CFH: variants seen among roughly 807,000 people sequenced by gnomAD.
CFH encodes complement factor H.
Under a neutral mutation model 147.3 loss-of-function variants are expected in CFH, and 53 were observed. The ratio of observed to expected loss-of-function variants is 0.36; its 90% confidence interval spans 0.29 to 0.45. The LOEUF (loss-of-function observed/expected upper bound fraction) is 0.45. Among genes scored for constraint, CFH ranks in the 20% least tolerant of loss-of-function variants. The probability of loss-of-function intolerance (pLI) is 1.00; values close to 1 mark genes in which losing one functional copy is unlikely to be tolerated. For synonymous variants in CFH, 536 were observed against 489.4 expected, an observed-to-expected ratio of 1.10 and a Z score of -1.26; for missense variants, 1,380 against 1,498.0, an observed-to-expected ratio of 0.92 and a Z score of 1.30.
intron 3 of CFH, 82 bp downstream of exon 3, chr1:196,674,044 A>G (rs964694177): frequency 7.3e-6 from 7 of 955,470 alleles, no homozygotes; most frequent in Non-Finnish European, 1.1e-5. Flanking sequence ...TAAGGTTATT[A>G]TATTTTTCTA....
At chr1:196,680,600 A>G (rs890539141) in intron 6 of CFH, among the ~76,000 whole-genome samples, 31 of 151,906 alleles carry the variant, frequency 2.0e-4, no homozygotes, top group African/African-American at 7.0e-4. Flanking sequence ...TTTATAAAAT[A>G]AGTGGGTTTG....
At chr1:196,725,066 A>G in intron 11 of CFH, 55 bp from the exon 12 acceptor site, 1 of 1,467,148 alleles carries the variant, frequency 6.8e-7, no homozygotes, top group Non-Finnish European at 9.4e-7. Context: ...ATGTAAAATT[A>G]ACTTTGGCAA....
intron 11 of CFH, among the ~76,000 whole-genome samples, chr1:196,717,495 G>A (rs771069214): frequency 6.6e-6 from 1 of 151,996 alleles, no homozygotes; most frequent in Admixed American, 6.6e-5. Flanking sequence ...GTAAGGTACA[G>A]GCCAATGACA....
Position 196,728,404 on chromosome 1 carries a change from A to T in CFH, c.2295A>T (p.Leu765Phe), listed in dbSNP as rs551215138. ...SSNLIILEEH[L>F]KNKKEFDHNS... The stretch of plus-strand genomic sequence containing the variant: ...ATTTAATTATACTTGAGGAACATTT[A>T]AAAAACAAGAAGGAATTCGATCATA... Residue 765 changes from leucine to phenylalanine, a missense_variant, in exon 15 of 22, where the codon TTA becomes TTT. By Grantham distance (22) the Leu-to-Phe change is conservative. This residue lies in a region of CFH where 830 missense variants were observed against 821.4 expected (regional missense o/e 1.01). Coordinates refer to ENST00000367429, the MANE Select transcript of CFH (RefSeq NM_000186.4). 2.2e-5 allele frequency: 35 copies of T among 1,603,826 alleles called. No individual in the cohort carries two copies. In the African/African-American group the frequency reaches 4.0e-4, roughly 18 times the overall value.
intron 9 of CFH, among the ~76,000 whole-genome samples, chr1:196,698,670 T>C (rs1285277745): frequency 1.3e-5 from 2 of 152,166 alleles, no homozygotes; most frequent in African/African-American, 4.8e-5. Flanking sequence ...GTACCATTCC[T>C]TTGGAAACTA....
chr1:196,688,094 T>C (rs1046512516), intron 7 of CFH, among the ~76,000 whole-genome samples: 1 of 151,898 alleles, frequency 6.6e-6, no homozygotes, highest in Non-Finnish European at 1.5e-5. Flanking sequence ...TATGTGTGTA[T>C]TGAAATTCTT....
At chr1:196,672,190 C>A (rs1419979448) in intron 1 of CFH, among the ~76,000 whole-genome samples, 1 of 152,102 alleles carries the variant, frequency 6.6e-6, no homozygotes, top group Non-Finnish European at 1.5e-5. Context: ...TACCTCATTA[C>A]CATTCTTCCA....
At chr1:196,668,551 C>A (rs1667173862) in intron 1 of CFH, among the ~76,000 whole-genome samples, 1 of 152,152 alleles carries the variant, frequency 6.6e-6, no homozygotes. Flanking sequence ...AAGGGAGGAA[C>A]TCAGTGGGAG....
At chr1:196,672,065 C>A (rs1042795561) in intron 1 of CFH, among the ~76,000 whole-genome samples, 1 of 151,996 alleles carries the variant, frequency 6.6e-6, no homozygotes, top group South Asian at 2.1e-4. Context: ...TATGAGACAA[C>A]GGGAAAGTCA....
At chr1:196,692,614 T>G (rs950856441) in intron 9 of CFH, among the ~76,000 whole-genome samples, 2 of 150,236 alleles carry the variant, frequency 1.3e-5, no homozygotes, top group Non-Finnish European at 3.0e-5. Flanking sequence ...TTCTTTTTCT[T>G]TCTTTCATTC....
intron 3 of CFH, among the ~76,000 whole-genome samples, chr1:196,675,282 G>A (rs1374035744): frequency 6.6e-6 from 1 of 152,082 alleles, no homozygotes; most frequent in African/African-American, 2.4e-5. Context: ...GGCTTGATGG[G>A]TTACTAAAAT....
chr1:196,707,734 A>G (rs1459957954), intron 9 of CFH, among the ~76,000 whole-genome samples: 1 of 152,244 alleles, frequency 6.6e-6, no homozygotes, highest in Non-Finnish European at 1.5e-5. Context: ...GATGGGCCTC[A>G]AATATCTTTT....
At position 196,673,100 on chromosome 1, in the gene CFH, A is replaced by G. The variant is rs769975480; in HGVS notation, c.181A>G (p.Asn61Asp). 6 of 1,614,020 alleles carry G rather than the reference A, an allele frequency of 3.7e-6. No homozygotes were observed. In the Admixed American group the frequency reaches 1.0e-4, roughly 27 times the overall value. Residue 61 changes from asparagine to aspartate, a missense_variant, in exon 2 of 22, where the codon AAT (asparagine) becomes GAT (aspartate). Coordinates refer to ENST00000367429, the MANE Select transcript of CFH (RefSeq NM_000186.4). The part of the protein sequence containing the change: ...KCRPGYRSLG[N>D]VIMVCRKGEW... ...CCGCCCTGGATATAGATCTCTTGGAAATGTAATAATGGTATGCAGGAAGGG... is the reference window on the plus strand; with the variant it reads ...CCGCCCTGGATATAGATCTCTTGGAGATGTAATAATGGTATGCAGGAAGGG...
At chr1:196,670,196 C>T (rs1344162378) in intron 1 of CFH, among the ~76,000 whole-genome samples, 1 of 152,132 alleles carries the variant, frequency 6.6e-6, no homozygotes, top group African/African-American at 2.4e-5. Flanking sequence ...TTTACAAGCT[C>T]ATATGTGGAA....
At chr1:196,740,867 G>A in intron 18 of CFH, 75 bp downstream of exon 18, 1 of 1,392,242 alleles carries the variant, frequency 7.2e-7, no homozygotes, top group South Asian at 1.2e-5. Context: ...CAATAAGAAA[G>A]TAAACAGGGA....
intron 11 of CFH, among the ~76,000 whole-genome samples, chr1:196,716,989 A>G (rs1472693582): frequency 6.6e-6 from 1 of 152,102 alleles, no homozygotes; most frequent in Non-Finnish European, 1.5e-5. Flanking sequence ...GAATGAAAAG[A>G]GCAAAGAGCT....
chr1:196,718,762 G>T (rs1037945760), intron 11 of CFH, among the ~76,000 whole-genome samples: 2 of 152,076 alleles, frequency 1.3e-5, no homozygotes, highest in Non-Finnish European at 2.9e-5. Context: ...AGGAGAGAAA[G>T]TTGGAGTGGC....
At chr1:196,704,672 C>T (rs9970784) in intron 9 of CFH, among the ~76,000 whole-genome samples, 94,873 of 152,016 alleles carry the variant, frequency 0.62, 30,172 homozygotes, top group East Asian at 0.95. Context: ...TAAAGCAGCG[C>T]CCTTTGAGAG....
chr1:196,671,771 A>ATATTT (rs397746592), intron 1 of CFH, among the ~76,000 whole-genome samples: 42 of 149,410 alleles, frequency 2.8e-4, no homozygotes, highest in Admixed American at 5.4e-4. Context: ...ATATATATAT[A>ATATTT]ATAAAAGCCA....
Sources: gnomAD v4.1 joint callset for allele counts (sites outside exome capture counted in the v4.1 genomes callset) on GRCh38, gnomAD v4.1.1 for gene constraint, gnomAD v4.1.1 regional missense constraint, MANE v1.5 for transcripts, NCBI Gene and HGNC (gene_info 2026-07-23, HGNC 2026-07-21) for gene names.